Variants in TRAK2 observed in about 807,000 individuals in gnomAD.
TRAK2 encodes the protein trafficking kinesin-binding protein 2.
TRAK2 carries 81 observed loss-of-function variants against 104.6 expected under a neutral mutation model. The observed-to-expected ratio is 0.77, with a 90% CI of 0.65 to 0.93. The LOEUF is 0.93. Ranked by LOEUF, TRAK2 falls within the 40% of genes least tolerant of loss-of-function variation. The pLI, the probability that TRAK2 is intolerant of heterozygous loss-of-function variation, is 0.00. For synonymous variants in TRAK2, 406 were observed against 394.4 expected (o/e 1.03, Z -0.35); for missense variants, 1,002 against 1,089.0 (o/e 0.92, Z 1.12).
intron 5 of TRAK2, 30 bp downstream of exon 5, chr2:201,399,347 C>T (rs1330707531): frequency 6.8e-7 from 1 of 1,465,380 alleles, no homozygotes; most frequent in Admixed American, 1.8e-5. Flanking sequence ...CTAATTATTT[C>T]ATACTGCAGA....
At chr2:201,440,425 C>T (rs1417565810) in intron 1 of TRAK2, among the ~76,000 whole-genome samples, 1 of 152,158 alleles carries the variant, frequency 6.6e-6, no homozygotes, top group African/African-American at 2.4e-5. Flanking sequence ...TGGCTGACTT[C>T]CCAAATACCT....
intron 1 of TRAK2, among the ~76,000 whole-genome samples, chr2:201,421,395 A>G (rs1951739422): frequency 6.6e-6 from 1 of 152,246 alleles, no homozygotes; most frequent in African/African-American, 2.4e-5. Flanking sequence ...ACGAAATGGA[A>G]TAATACAAAA....
intron 9 of TRAK2, among the ~76,000 whole-genome samples, chr2:201,394,224 A>G (rs560485660): frequency 7.4e-4 from 112 of 152,350 alleles, no homozygotes; most frequent in Non-Finnish European, 1.4e-3. Flanking sequence ...GTCAGCTGGT[A>G]AAAGAGTGAT....
intron 5 of TRAK2, among the ~76,000 whole-genome samples, chr2:201,399,116 G>C (rs1037388791): frequency 6.6e-6 from 1 of 152,040 alleles, no homozygotes. Flanking sequence ...GGTATGGATA[G>C]TTTTAATATC....
intron 2 of TRAK2, chr2:201,411,408 T>C: frequency 1.3e-6 from 1 of 746,054 alleles, no homozygotes; most frequent in Non-Finnish European, 2.5e-6. Flanking sequence ...AATTTGCTGA[T>C]TCCCAATATT....
intron 1 of TRAK2, among the ~76,000 whole-genome samples, chr2:201,433,747 C>T (rs752384589): frequency 6.6e-6 from 1 of 152,170 alleles, no homozygotes; most frequent in African/African-American, 2.4e-5. Flanking sequence ...GTGTCAACCG[C>T]GGTTTTTGAT....
chr2:201,424,067 ATTGTCCAGAATTG>A (rs1951765705), intron 1 of TRAK2, among the ~76,000 whole-genome samples: 1 of 152,220 alleles, frequency 6.6e-6, no homozygotes, highest in African/African-American at 2.4e-5. Context: ...CACATATCGT[ATTGTCCAGAATTG>A]TCATCCCTAA....
In TRAK2 at chr2:201,395,302, G is replaced by A. The variant is rs1048251686; in HGVS notation, c.900+12C>T. The A allele has an allele frequency of 2.5e-6, 4 of 1,598,856 alleles. No homozygotes were observed. Among genetic ancestry groups the A allele is most frequent in the Non-Finnish European group, 3.4e-6 (4 of 1,168,442 alleles). On this transcript the variant is annotated intron_variant, in intron 8 of 15. Transcript: ENST00000332624. ...CTTAACAAATATCTGTTGAATGAAT[G>A]AATAAACCTACTTCTTTAAGTTTGT...
chr2:201,380,379 T>A lies in TRAK2; in HGVS notation c.*164A>T, dbSNP rs1951327690. 1.5e-5 allele frequency: 11 copies of A among 736,200 alleles called. No homozygotes were observed. Among genetic ancestry groups the A allele is most frequent in the Non-Finnish European group, 2.4e-5 (11 of 454,078 alleles). The allele number at this position is 736,200 out of a possible 1,614,324, so 45.6% of individuals were successfully genotyped here. On this transcript the variant is annotated 3_prime_UTR_variant, in exon 16 of 16. Transcript: ENST00000332624. ...CTTTCAATTTGCCCGACTTCCTCCA[T>A]TAGGGCTCATCCCAATTTTATTTCC...
chr2:201,412,472 G>T, intron 2 of TRAK2: 2 of 1,151,044 alleles, frequency 1.7e-6, no homozygotes, highest in Non-Finnish European at 2.6e-6. Flanking sequence ...TGATCCAACT[G>T]CCTACTGAAA....
chr2:201,388,025 A>T (rs751347126), intron 12 of TRAK2, 24 bp from the exon 13 acceptor site: 1 of 1,612,832 alleles, frequency 6.2e-7, no homozygotes, highest in Admixed American at 1.7e-5. Context: ...GCGTTCACTG[A>T]TTAGATCTTG....
chr2:201,449,386 G>C (rs1297394759), intron 1 of TRAK2, among the ~76,000 whole-genome samples: 1 of 151,982 alleles, frequency 6.6e-6, no homozygotes, highest in African/African-American at 2.4e-5. Flanking sequence ...CCTCAGATTA[G>C]TGTGATAGGT....
chr2:201,410,453 C>T, intron 2 of TRAK2: 1 of 625,328 alleles, frequency 1.6e-6, no homozygotes, highest in Non-Finnish European at 2.8e-6. Context: ...ATTCACTGTC[C>T]CATAGAAGTA....
intron 1 of TRAK2, among the ~76,000 whole-genome samples, chr2:201,420,977 G>A (rs1442006616): frequency 6.6e-6 from 1 of 152,174 alleles, no homozygotes; most frequent in African/African-American, 2.4e-5. Context: ...CTAAGGGGCA[G>A]GAGAAAAGTT....
At chr2:201,403,379 A>T (rs1199165352) in intron 3 of TRAK2, among the ~76,000 whole-genome samples, 1 of 152,142 alleles carries the variant, frequency 6.6e-6, no homozygotes. Flanking sequence ...TTTAGTATGG[A>T]GATGATAATA....
intron 1 of TRAK2, among the ~76,000 whole-genome samples, chr2:201,421,922 G>A (rs1951744442): frequency 6.6e-6 from 1 of 151,890 alleles, no homozygotes; most frequent in Admixed American, 6.6e-5. Flanking sequence ...GGTGGCAGGT[G>A]CCTGTAATCC....
At chr2:201,407,306 C>G in intron 3 of TRAK2, 97 bp downstream of exon 3, 1 of 1,039,494 alleles carries the variant, frequency 9.6e-7, no homozygotes, top group Non-Finnish European at 1.4e-6. Context: ...ATACACTGAA[C>G]AATGGCTACT....
chr2:201,445,584 GC>G (rs1436259743), intron 1 of TRAK2, among the ~76,000 whole-genome samples: 2 of 152,204 alleles, frequency 1.3e-5, no homozygotes, highest in Admixed American at 1.3e-4. Flanking sequence ...AGGTGGTCTG[GC>G]TTCACACAGG....
chr2:201,447,600 G>A lies in TRAK2; in HGVS notation c.-200+3750C>T, dbSNP rs1454944577. On this transcript the variant is annotated intron_variant, in intron 1 of 15. Transcript: ENST00000332624. This position sits in a 1 kb window ranked among gnomAD's most constrained non-coding sequence, Gnocchi z 4.1. ...TCTTTCCTTTGTGTGTGCAACTCCT[G>A]TGTCTCTTTTTGTGCTCAAATTTCC... 1.3e-5 allele frequency among the ~76,000 whole-genome samples: 2 copies of A among 152,150 alleles called. No homozygotes were observed. The highest frequency in any genetic ancestry group is 2.9e-5 in the Non-Finnish European group (2 of 68,030).
Sources: allele counts gnomAD v4.1 joint callset (sites outside exome capture counted in the v4.1 genomes callset), GRCh38; gene constraint gnomAD v4.1.1; non-coding constraint Gnocchi (gnomAD v3.1); transcripts MANE v1.5; gene names NCBI Gene and HGNC (gene_info 2026-07-23, HGNC 2026-07-21).